The following MIPOL1 variants were observed in gnomAD, a reference collection of about 807,000 sequenced individuals.
MIPOL1 encodes mirror-image polydactyly 1, also known as mirror-image polydactyly gene 1 protein.
Under a neutral mutation model 60.9 loss-of-function variants are expected in MIPOL1, and 57 were observed. The observed-to-expected ratio is 0.94, with a 90% CI of 0.76 to 1.17. The LOEUF is 1.17. MIPOL1 is among the 50% of genes most tolerant of loss of function. The probability of loss-of-function intolerance (pLI) is 0.00; values close to 1 mark genes in which losing one functional copy is unlikely to be tolerated. For synonymous variants in MIPOL1, 179 were observed against 168.8 expected, an observed-to-expected ratio of 1.06 and a Z score of -0.47; for missense variants, 551 against 511.6, an observed-to-expected ratio of 1.08 and a Z score of -0.74.
intron 9 of MIPOL1, among the ~76,000 whole-genome samples, chr14:37,339,195 A>T (rs1161574948): frequency 6.6e-6 from 1 of 152,232 alleles, no homozygotes; most frequent in Non-Finnish European, 1.5e-5. Flanking sequence ...AAATCATCCA[A>T]TGACAACCTG....
intron 12 of MIPOL1, among the ~76,000 whole-genome samples, chr14:37,530,534 CTT>C (rs2095472877): frequency 6.6e-6 from 1 of 152,124 alleles, no homozygotes; most frequent in South Asian, 2.1e-4. Context: ...TAATTAAACT[CTT>C]TCCATGGAGT....
intron 9 of MIPOL1, among the ~76,000 whole-genome samples, chr14:37,349,651 C>G (rs185727811): frequency 2.0e-5 from 3 of 152,280 alleles, no homozygotes; most frequent in South Asian, 4.1e-4. Flanking sequence ...TATGTCTTTT[C>G]TATGTGAAAT....
At chr14:37,347,630 T>C (rs1023096596) in intron 9 of MIPOL1, among the ~76,000 whole-genome samples, 10 of 152,178 alleles carry the variant, frequency 6.6e-5, no homozygotes, top group Admixed American at 1.3e-4. Flanking sequence ...CCTAGAGATA[T>C]TGTTGTAGAA....
chr14:37,231,203 T>C (rs1370863677), intron 1 of MIPOL1, among the ~76,000 whole-genome samples: 1 of 152,126 alleles, frequency 6.6e-6, no homozygotes, highest in African/African-American at 2.4e-5. Flanking sequence ...TCCTCCCACC[T>C]TAGCCTCTGG....
intron 11 of MIPOL1, among the ~76,000 whole-genome samples, chr14:37,430,761 A>C (rs981214127): frequency 1.2e-4 from 19 of 152,204 alleles, no homozygotes; most frequent in Non-Finnish European, 2.2e-4. Flanking sequence ...TGTAATTTAT[A>C]AAATCACTTA....
At chr14:37,452,240 C>T (rs1431309339) in intron 11 of MIPOL1, among the ~76,000 whole-genome samples, 2 of 152,010 alleles carry the variant, frequency 1.3e-5, no homozygotes, top group Non-Finnish European at 2.9e-5. Flanking sequence ...TGGGACTCAG[C>T]CAAGTGTTAT....
intron 7 of MIPOL1, among the ~76,000 whole-genome samples, chr14:37,298,957 C>G: frequency 6.6e-6 from 1 of 150,862 alleles, no homozygotes; most frequent in Non-Finnish European, 1.5e-5. Flanking sequence ...GGTATATACC[C>G]AAAGGACTAT....
At chr14:37,254,547 C>T (rs1974611979) in intron 3 of MIPOL1, among the ~76,000 whole-genome samples, 1 of 151,688 alleles carries the variant, frequency 6.6e-6, no homozygotes, top group Admixed American at 6.6e-5. Context: ...CATCCCTACC[C>T]CCACAAACAC....
chr14:37,364,800 A>T (rs1283051987), intron 9 of MIPOL1, among the ~76,000 whole-genome samples: 1 of 152,156 alleles, frequency 6.6e-6, no homozygotes, highest in African/African-American at 2.4e-5. Flanking sequence ...TTGAATCTGT[A>T]TATTGCTTTG....
intron 1 of MIPOL1, among the ~76,000 whole-genome samples, chr14:37,231,792 C>T (rs1201052009): frequency 1.3e-5 from 2 of 151,930 alleles, no homozygotes; most frequent in African/African-American, 2.4e-5. Context: ...GAATAAAAGC[C>T]CTACAGGCCG....
intron 6 of MIPOL1, among the ~76,000 whole-genome samples, chr14:37,279,437 G>C (rs933668121): frequency 1.2e-4 from 18 of 151,756 alleles, no homozygotes; most frequent in Middle Eastern, 3.2e-3. Context: ...CCTTGGAAAA[G>C]CTCAGTGTTT....
intron 1 of MIPOL1, among the ~76,000 whole-genome samples, chr14:37,204,695 G>A (rs139817043): frequency 1.4e-3 from 211 of 152,256 alleles, no homozygotes; most frequent in African/African-American, 4.7e-3. Context: ...CTGGTCTCAA[G>A]TATGTCTTTA....
chr14:37,500,052 A>G lies in MIPOL1; in HGVS notation c.1176A>G (p.Gln392=), dbSNP rs913398681. ...ATGAGGAACTGGCTACTCAACTGCA[A>G]CAAGCTCTGACAGAGCGAGCAAATA... ...QQNEELATQL[Q]QALTERANME... The change falls in exon 12 of 13, where the codon CAA becomes CAG. Residue 392 remains glutamine, a synonymous_variant. Transcript: ENST00000684589. 9 of 1,614,044 alleles carry G rather than the reference A, an allele frequency of 5.6e-6. No individual in the cohort carries two copies. Among genetic ancestry groups the G allele is most frequent in the African/African-American group, 1.3e-5 (1 of 75,066 alleles).
intron 11 of MIPOL1, among the ~76,000 whole-genome samples, chr14:37,437,181 T>A (rs2094174794): frequency 6.6e-6 from 1 of 152,162 alleles, no homozygotes; most frequent in South Asian, 2.1e-4. Context: ...TAGTTCCAGT[T>A]ATTCCCCAAA....
chr14:37,445,609 C>T (rs1393874757), intron 11 of MIPOL1, among the ~76,000 whole-genome samples: 6 of 151,376 alleles, frequency 4.0e-5, no homozygotes, highest in Admixed American at 3.3e-4. Flanking sequence ...GAGCCCGCAT[C>T]GCCAAGTCAA....
intron 1 of MIPOL1, among the ~76,000 whole-genome samples, chr14:37,230,025 C>T (rs1050737992): frequency 6.6e-6 from 1 of 152,048 alleles, no homozygotes; most frequent in South Asian, 2.1e-4. Context: ...CAGTTAATAA[C>T]AATGTATTAT....
chr14:37,274,640 A>G (rs2083517077), intron 6 of MIPOL1, among the ~76,000 whole-genome samples: 1 of 151,392 alleles, frequency 6.6e-6, no homozygotes, highest in Admixed American at 6.6e-5. Flanking sequence ...TAGTGGTTAA[A>G]TGCGCAGACT....
At chr14:37,426,647 A>ATG (rs2093973470) in intron 11 of MIPOL1, among the ~76,000 whole-genome samples, 1 of 143,666 alleles carries the variant, frequency 7.0e-6, no homozygotes, top group Non-Finnish European at 1.5e-5. Context: ...TATATTATAT[A>ATG]TGTGTATATA....
chr14:37,421,409 G>T (rs947183423), intron 10 of MIPOL1, among the ~76,000 whole-genome samples: 35 of 152,110 alleles, frequency 2.3e-4, no homozygotes, highest in African/African-American at 7.5e-4. Context: ...TGATATTTTT[G>T]ATTCTTTTTG....
Sources: allele counts gnomAD v4.1 joint callset (sites outside exome capture counted in the v4.1 genomes callset), GRCh38; gene constraint gnomAD v4.1.1; transcripts MANE v1.5; gene names NCBI Gene and HGNC (gene_info 2026-07-23, HGNC 2026-07-21).